Variants in CDK12 observed in about 807,000 individuals in gnomAD.
CDK12 encodes the protein cyclin-dependent kinase 12.
A neutral mutation model predicts 133.8 loss-of-function variants in CDK12; 17 were observed. That is an observed-to-expected ratio of 0.13 (90% CI 0.09 to 0.19). The LOEUF (loss-of-function observed/expected upper bound fraction) is 0.19, where lower values mean the gene tolerates loss of function less well. CDK12 is among the 10% of genes least tolerant of loss of function. The probability of loss-of-function intolerance (pLI) is 1.00; values close to 1 mark genes in which losing one functional copy is unlikely to be tolerated. For synonymous variants in CDK12, 694 were observed against 683.6 expected, an observed-to-expected ratio of 1.02 and a Z score of -0.24; for missense variants, 1,508 against 1,818.7, an observed-to-expected ratio of 0.83 and a Z score of 3.11.
At chr17:39,566,393 G>A (rs1338269426), downstream of CDK12, among the ~76,000 whole-genome samples, 3 of 152,130 alleles carry the variant, frequency 2.0e-5, no homozygotes, top group Non-Finnish European at 4.4e-5. Flanking sequence ...AAGCAGTCTA[G>A]GGAGAGTCGT....
intron 2 of CDK12, among the ~76,000 whole-genome samples, chr17:39,472,684 A>G (rs963458689): frequency 2.6e-5 from 4 of 152,168 alleles, no homozygotes; most frequent in African/African-American, 4.8e-5. Flanking sequence ...TAAATATTTC[A>G]GTGTGTCTCT....
chr17:39,513,761 A>T (rs1489624960), intron 8 of CDK12, among the ~76,000 whole-genome samples: 1 of 152,230 alleles, frequency 6.6e-6, no homozygotes. Context: ...TGGCTCATTG[A>T]ATTAAGATTT....
At chr17:39,480,526 C>G (rs1018835612) in intron 2 of CDK12, among the ~76,000 whole-genome samples, 1 of 152,054 alleles carries the variant, frequency 6.6e-6, no homozygotes, top group Non-Finnish European at 1.5e-5. Context: ...ACTGCAACCT[C>G]TGCCTCCTGG....
chr17:39,524,918 C>G (rs754828886), intron 12 of CDK12, 33 bp downstream of exon 12: 1 of 1,565,348 alleles, frequency 6.4e-7, no homozygotes, highest in Non-Finnish European at 8.7e-7. Flanking sequence ...TGTGCTTTTG[C>G]TAAGCGTATT....
At chr17:39,567,148 A>G (rs2056598854), downstream of CDK12, 1 of 152,246 alleles carries the variant, frequency 6.6e-6, no homozygotes, top group East Asian at 1.9e-4. Context: ...GCGGGTGAGG[A>G]GTCAAGGCAA....
rs917613927 is a variant in CDK12, at chr17:39,533,085, A to AT, written c.*1769_*1770insT. On this transcript the variant is annotated 3_prime_UTR_variant, in exon 14 of 14. Transcript: ENST00000447079. Reference sequence around the variant, plus strand: ...AAAGGTGCATTACTTAAAAAAAAAAAACTTTAAAGAAATGAAAGAAGAACC... The same window carrying AT: ...AAAGGTGCATTACTTAAAAAAAAAAATACTTTAAAGAAATGAAAGAAGAACC... The AT allele has an allele frequency of 7.3e-4, 169 of 232,362 alleles. No homozygotes were observed. The highest frequency in any genetic ancestry group is 3.8e-3 in the Middle Eastern group (3 of 780). 14.4% of individuals were successfully genotyped at this position (232,362 alleles called of 1,614,324 possible). A position where few individuals can be genotyped will look rare whatever the true frequency, so the allele number is the denominator to read the frequency against.
Position 39,462,669 on chromosome 17 carries a change from A to T in CDK12, c.598A>T (p.Ser200Cys), listed in dbSNP as rs927611525. The part of the protein sequence containing the change: ...LKSGHKDRSK[S>C]HRKRETPKSY... ...GTCTGGGCACAAAGACCGGAGTAAAAGTCATCGAAAAAGGGAAACACCCAA... is the reference window on the plus strand; with the variant it reads ...GTCTGGGCACAAAGACCGGAGTAAATGTCATCGAAAAAGGGAAACACCCAA... Residue 200 changes from serine (S) to cysteine (C), a missense_variant, in exon 1 of 14, where the codon AGT becomes TGT. By Grantham distance (112) the Ser-to-Cys change is moderately radical (BLOSUM62 -1). Around this residue, in one of 9 missense-constraint regions of CDK12, gnomAD observed 460 missense variants for 490.8 expected, o/e 0.94. Coordinates refer to ENST00000447079, the MANE Select transcript of CDK12 (RefSeq NM_016507.4). The T allele has an allele frequency of 3.1e-6, 5 of 1,614,170 alleles. No homozygotes were observed. The highest frequency in any genetic ancestry group is 4.2e-6 in the Non-Finnish European group (5 of 1,180,042).
chr17:39,505,487 T>A lies in CDK12; in HGVS notation c.2609+4048T>A, dbSNP rs1174965677. Among the ~76,000 whole-genome samples, 6 of 132,044 alleles carry A rather than the reference T, an allele frequency of 4.5e-5. No homozygotes were observed. In the East Asian group the frequency reaches 1.3e-3, roughly 30 times the overall value. The allele number at this position is 132,044 out of a possible 152,430, so 86.6% of individuals were successfully genotyped here. On this transcript the variant is annotated intron_variant, in intron 6 of 13. Coordinates refer to ENST00000447079, the MANE Select transcript of CDK12 (RefSeq NM_016507.4). ...TTGCAGTGAGCTGAGATCGCACCAC[T>A]GCACTCCAGCCTGGTGACAGAGCGA...
chr17:39,540,405 C>T (rs1338656718), intron 1 of CDK12, among the ~76,000 whole-genome samples: 2 of 152,184 alleles, frequency 1.3e-5, no homozygotes, highest in East Asian at 3.8e-4. Flanking sequence ...GGAGCATGCA[C>T]CATGTGTCCA....
intron 13 of CDK12, among the ~76,000 whole-genome samples, chr17:39,529,359 A>C (rs564430667): frequency 3.9e-5 from 6 of 152,350 alleles, no homozygotes; most frequent in African/African-American, 1.4e-4. Flanking sequence ...ATATGCTACA[A>C]AAATATCTAA....
chr17:39,466,358 T>C (rs1275461459), intron 1 of CDK12, among the ~76,000 whole-genome samples: 1 of 148,290 alleles, frequency 6.7e-6, no homozygotes, highest in Non-Finnish European at 1.5e-5. Flanking sequence ...ATCACGCCTG[T>C]AATCCTAGCA....
chr17:39,475,948 T>C (rs1269741564), intron 2 of CDK12, among the ~76,000 whole-genome samples: 1 of 152,100 alleles, frequency 6.6e-6, no homozygotes, highest in East Asian at 1.9e-4. Flanking sequence ...TAGTTTTTGT[T>C]GGAAAAGGAA....
At chr17:39,563,197 T>A (rs575846250) in intron 3 of CDK12, among the ~76,000 whole-genome samples, 240 of 151,670 alleles carry the variant, frequency 1.6e-3, no homozygotes, top group African/African-American at 5.5e-3. Context: ...ACACACACAC[T>A]CACACACACG....
intron 2 of CDK12, among the ~76,000 whole-genome samples, chr17:39,486,767 G>T (rs1469096713): frequency 6.6e-6 from 1 of 152,062 alleles, no homozygotes; most frequent in South Asian, 2.1e-4. Flanking sequence ...CCAGCACTTT[G>T]GGAGGCTGAG....
chr17:39,493,779 G>A (rs1449708545), intron 4 of CDK12, among the ~76,000 whole-genome samples: 3 of 152,008 alleles, frequency 2.0e-5, no homozygotes, highest in East Asian at 2.0e-4. Context: ...GGCAGATCAC[G>A]AGGTCAGGAG....
chr17:39,521,582 C>T (rs530026125), intron 11 of CDK12, among the ~76,000 whole-genome samples: 3 of 149,812 alleles, frequency 2.0e-5, no homozygotes, highest in South Asian at 2.1e-4. Context: ...TTTTCCGAGA[C>T]GGAGTCTCGC....
intron 5 of CDK12, 62 bp downstream of exon 5, chr17:39,494,756 T>C: frequency 8.0e-7 from 1 of 1,248,568 alleles, no homozygotes; most frequent in Non-Finnish European, 1.1e-6. Context: ...TTTCTTTTTT[T>C]TTTTCTTTCT....
chr17:39,509,812 G>A, intron 7 of CDK12, 51 bp downstream of exon 7: 1 of 1,384,004 alleles, frequency 7.2e-7, no homozygotes, highest in Non-Finnish European at 1.0e-6. Flanking sequence ...GTTTTGTTTT[G>A]TTTTTTTGAG....
chr17:39,504,654 A>G (rs1412954218), intron 6 of CDK12, among the ~76,000 whole-genome samples: 10 of 151,848 alleles, frequency 6.6e-5, no homozygotes, highest in Middle Eastern at 3.4e-3. Flanking sequence ...TGAAGTGGGC[A>G]GGTCACTTGA....
Sources: allele counts gnomAD v4.1 joint callset (sites outside exome capture counted in the v4.1 genomes callset), GRCh38; gene constraint gnomAD v4.1.1; regional missense constraint gnomAD v4.1.1; transcripts MANE v1.5; gene names NCBI Gene and HGNC (gene_info 2026-07-23, HGNC 2026-07-21).